The following ANTXR1 variants were observed in gnomAD, a reference collection of about 807,000 sequenced individuals.
ANTXR1 encodes the protein anthrax toxin receptor 1.
A neutral mutation model predicts 78.1 loss-of-function variants in ANTXR1; 19 were observed. The ratio of observed to expected loss-of-function variants is 0.24; its 90% CI spans 0.17 to 0.36. The LOEUF (loss-of-function observed/expected upper bound fraction) is 0.36, where lower values mean the gene tolerates loss of function less well. Ranked by LOEUF, ANTXR1 falls within the 10% of genes least tolerant of loss-of-function variation. The probability of loss-of-function intolerance (pLI) is 1.00; values close to 1 mark genes in which losing one functional copy is unlikely to be tolerated. For synonymous variants in ANTXR1, 273 were observed against 260.5 expected (o/e 1.05, Z -0.46); for missense variants, 518 against 718.6 (o/e 0.72, Z 3.19).
intron 3 of ANTXR1, among the ~76,000 whole-genome samples, chr2:69,063,828 T>C (rs1670316240): frequency 6.6e-6 from 1 of 152,126 alleles, no homozygotes; most frequent in African/African-American, 2.4e-5. Context: ...AGTAGCATAA[T>C]ACTGACTTAT....
rs191665093 is a variant in ANTXR1, at chr2:69,142,231, G to A, written c.952-9938G>A. Among the ~76,000 whole-genome samples the A allele has an allele frequency of 9.1e-4, 139 of 152,310 alleles. 1 individual carries two copies. The highest frequency in any genetic ancestry group is 3.2e-3 in the African/African-American group (132 of 41,558). The stretch of plus-strand genomic sequence containing the variant: ...GGGGAATTGAGCAGCCACAGGAAAC[G>A]TAGGCTCCAACGCCATTCCTGCTAC... On this transcript the variant is annotated intron_variant, in intron 12 of 17. Coordinates refer to ENST00000303714, the MANE Select transcript of ANTXR1 (RefSeq NM_032208.3).
chr2:69,146,939 G>A (rs767712650), intron 12 of ANTXR1, among the ~76,000 whole-genome samples: 2 of 152,264 alleles, frequency 1.3e-5, no homozygotes, highest in African/African-American at 2.4e-5. Context: ...TAGGCTGTGA[G>A]CAGCAGTCCC....
At chr2:69,159,308 C>T (rs939694179) in intron 13 of ANTXR1, among the ~76,000 whole-genome samples, 1 of 152,020 alleles carries the variant, frequency 6.6e-6, no homozygotes, top group African/African-American at 2.4e-5. Flanking sequence ...CACAGTGACT[C>T]GCACCTATAA....
In ANTXR1 at chr2:69,044,823, C is replaced by A. The variant is rs745546355; in HGVS notation, c.296+10C>A. ...AACTGACAGAAGACAGGTAAGGATA[C>A]TTCTTATCTCTGTTGTTAAAAAGTC... On this transcript the variant is annotated intron_variant, in intron 3 of 17. Coordinates refer to ENST00000303714, the MANE Select transcript of ANTXR1 (RefSeq NM_032208.3). 1 of 1,613,046 alleles carries A rather than the reference C, an allele frequency of 6.2e-7. No individual in the cohort carries two copies. The highest frequency in any genetic ancestry group is 2.2e-5 in the East Asian group (1 of 44,876).
intron 17 of ANTXR1, among the ~76,000 whole-genome samples, chr2:69,194,901 G>A (rs921959987): frequency 1.3e-5 from 2 of 152,066 alleles, no homozygotes; most frequent in Admixed American, 6.6e-5. Context: ...CGGGCGTGGT[G>A]TCTCACACTG....
At chr2:69,182,383 T>A in intron 15 of ANTXR1, 110 bp from the exon 16 acceptor site, 1 of 1,338,050 alleles carries the variant, frequency 7.5e-7, no homozygotes, top group Non-Finnish European at 1.0e-6. Context: ...CCCAAAGGAA[T>A]CCAGGGTTGG....
intron 17 of ANTXR1, among the ~76,000 whole-genome samples, chr2:69,232,283 C>G (rs1675638371): frequency 1.3e-5 from 2 of 151,812 alleles, no homozygotes; most frequent in Non-Finnish European, 2.9e-5. Flanking sequence ...ATAAATAATT[C>G]ATATTATTTT....
rs1671410199 is a variant in ANTXR1 at position 69,028,197 on chromosome 2, T to C, written c.153-11847T>C. ...TCAATGCTTTAATAGAAGAAAACTCTTCTGACTTAAGAAAAATTTGAAAAT... is the reference window on the plus strand; with the variant it reads ...TCAATGCTTTAATAGAAGAAAACTCCTCTGACTTAAGAAAAATTTGAAAAT... On this transcript the variant is annotated intron_variant, in intron 1 of 17. Transcript: ENST00000303714. Among the ~76,000 whole-genome samples, 7 of 152,320 alleles carry C rather than the reference T, an allele frequency of 4.6e-5. No homozygotes were observed. The South Asian group carries it at 6.2e-4, about 14-fold the overall frequency.
chr2:69,100,540 C>G (rs1424771065), intron 9 of ANTXR1, among the ~76,000 whole-genome samples: 1 of 152,212 alleles, frequency 6.6e-6, no homozygotes, highest in African/African-American at 2.4e-5. Context: ...GAGGATTTAG[C>G]AACTCAACTG....
At chr2:69,162,149 G>A (rs868275118) in intron 13 of ANTXR1, among the ~76,000 whole-genome samples, 12 of 152,190 alleles carry the variant, frequency 7.9e-5, no homozygotes, top group African/African-American at 2.9e-4. Context: ...TGAGAAAATA[G>A]GAGATGTTTC....
intron 9 of ANTXR1, among the ~76,000 whole-genome samples, chr2:69,094,714 C>T (rs1311471625): frequency 6.6e-6 from 1 of 152,210 alleles, no homozygotes; most frequent in East Asian, 1.9e-4. Flanking sequence ...ATGGTTCTGA[C>T]AGCAAACTGA....
At chr2:69,099,646 G>A (rs1671546652) in intron 9 of ANTXR1, among the ~76,000 whole-genome samples, 1 of 152,212 alleles carries the variant, frequency 6.6e-6, no homozygotes, top group South Asian at 2.1e-4. Context: ...AGTATGAAGT[G>A]ATATCTCCAT....
Position 69,247,401 on chromosome 2 carries a change from T to G in ANTXR1, c.*1916T>G, listed in dbSNP as rs1558674560. ...AGTGCCAACACCAAACTGACACATC[T>G]CCAGGTGTACCTCCAACCCTAGCCT... On this transcript the variant is annotated 3_prime_UTR_variant, in exon 18 of 18. Coordinates refer to ENST00000303714, the MANE Select transcript of ANTXR1 (RefSeq NM_032208.3). The G allele has an allele frequency of 2.0e-5, 3 of 152,702 alleles. No individual in the cohort carries two copies. Among genetic ancestry groups the G allele is most frequent in the African/African-American group, 2.4e-5 (1 of 41,394 alleles). The allele number at this position is 152,702 out of a possible 1,614,324, so 9.5% of individuals were successfully genotyped here.
rs1669716545 is a variant in ANTXR1 at position 69,044,828 on chromosome 2, T to C, written c.296+15T>C. 6.2e-7 allele frequency: 1 copy of C among 1,613,094 alleles called. No homozygotes were observed. The highest frequency in any genetic ancestry group is 8.5e-7 in the Non-Finnish European group (1 of 1,179,166). ...ACAGAAGACAGGTAAGGATACTTCT[T>C]ATCTCTGTTGTTAAAAAGTCCATCA... is the stretch of plus-strand genomic sequence containing the variant. On this transcript the variant is annotated intron_variant, in intron 3 of 17. Coordinates refer to ENST00000303714, the MANE Select transcript of ANTXR1 (RefSeq NM_032208.3).
chr2:69,104,328 A>C (rs1423200817), intron 10 of ANTXR1, among the ~76,000 whole-genome samples: 1 of 152,212 alleles, frequency 6.6e-6, no homozygotes, highest in Admixed American at 6.5e-5. Context: ...CATAAAACCC[A>C]CTTTAGTAGT....
chr2:69,014,155 A>G (rs143067772), intron 1 of ANTXR1, among the ~76,000 whole-genome samples: 6 of 152,314 alleles, frequency 3.9e-5, no homozygotes, highest in East Asian at 3.9e-4. Context: ...CATGTAATGC[A>G]TACTTCTCAC....
chr2:69,035,174 T>A (rs760263962), intron 1 of ANTXR1, among the ~76,000 whole-genome samples: 12 of 151,232 alleles, frequency 7.9e-5, no homozygotes, highest in Non-Finnish European at 1.6e-4. Context: ...GGGGTGGGGG[T>A]CTGGTTGAGG....
intron 17 of ANTXR1, among the ~76,000 whole-genome samples, chr2:69,214,259 T>A (rs898391768): frequency 7.9e-5 from 12 of 152,250 alleles, no homozygotes; most frequent in African/African-American, 2.9e-4. Context: ...CCTCTGTAAC[T>A]GTTTCTCTCC....
chr2:69,169,940 G>T (rs1235972127), intron 13 of ANTXR1, among the ~76,000 whole-genome samples: 1 of 152,248 alleles, frequency 6.6e-6, no homozygotes, highest in Non-Finnish European at 1.5e-5. Context: ...GAATAAATGA[G>T]TGAATAAATT....
Sources: gnomAD v4.1 joint callset for allele counts (sites outside exome capture counted in the v4.1 genomes callset) on GRCh38, gnomAD v4.1.1 for gene constraint, MANE v1.5 for transcripts, NCBI Gene and HGNC (gene_info 2026-07-23, HGNC 2026-07-21) for gene names.